RBFOX1: variants seen among roughly 807,000 people sequenced by gnomAD.
RBFOX1 encodes RNA binding protein fox-1 homolog 1.
RBFOX1 carries 8 observed loss-of-function variants against 57.7 expected under a neutral mutation model. The ratio of observed to expected loss-of-function variants is 0.14; its 90% CI spans 0.08 to 0.25. The LOEUF is 0.25. Among genes scored for constraint, RBFOX1 ranks in the 10% least tolerant of loss-of-function variants. The probability of loss-of-function intolerance (pLI) is 1.00; values close to 1 mark genes in which losing one functional copy is unlikely to be tolerated. For synonymous variants in RBFOX1, 326 were observed against 222.4 expected (o/e 1.47, Z -4.15); for missense variants, 611 against 548.5 (o/e 1.11, Z -1.14).
chr16:5,858,615 A>G (rs2057130240), intron 3 of RBFOX1, among the ~76,000 whole-genome samples: 1 of 152,220 alleles, frequency 6.6e-6, no homozygotes, highest in Non-Finnish European at 1.5e-5. Context: ...AGCTGCCAGA[A>G]TTTTCAAGCA....
chr16:6,210,377 A>AAAAAAAAAAAAAAAAAAAAAAAAAAAAG (rs1555552426), intron 1 of RBFOX1, among the ~76,000 whole-genome samples: 1 of 128,442 alleles, frequency 7.8e-6, no homozygotes. Context: ...AAAAAAAAAA[A>AAAAAAAAAAAAAAAAAAAAAAAAAAAAG]AGAGAAAGGA....
intron 4 of RBFOX1, among the ~76,000 whole-genome samples, chr16:7,191,537 TA>T (rs2085386552): frequency 6.6e-6 from 1 of 152,238 alleles, no homozygotes; most frequent in African/African-American, 2.4e-5. Flanking sequence ...AGTTGACATT[TA>T]TAACCATGGA....
chr16:5,493,338 C>A (rs948193742), intron 2 of RBFOX1, among the ~76,000 whole-genome samples: 2 of 152,190 alleles, frequency 1.3e-5, no homozygotes, highest in Non-Finnish European at 2.9e-5. Flanking sequence ...TCCCAAAGTC[C>A]TATGACCCAC....
intron 2 of RBFOX1, among the ~76,000 whole-genome samples, chr16:6,445,937 C>A (rs2094476225): frequency 6.6e-6 from 1 of 151,122 alleles, no homozygotes; most frequent in Non-Finnish European, 1.5e-5. Flanking sequence ...GTTAACTATA[C>A]ACAGAGTAGG....
chr16:6,228,773 C>G (rs764337587), intron 1 of RBFOX1, among the ~76,000 whole-genome samples: 1 of 152,036 alleles, frequency 6.6e-6, no homozygotes, highest in Admixed American at 6.6e-5. Context: ...ATGTATGGTG[C>G]TCTTGAAAAT....
intron 4 of RBFOX1, among the ~76,000 whole-genome samples, chr16:7,315,196 T>C (rs1331990538): frequency 6.6e-6 from 1 of 152,012 alleles, no homozygotes; most frequent in African/African-American, 2.4e-5. Context: ...AACTGAGAAC[T>C]GAAAACCAAC....
chr16:7,079,255 A>T (rs145910547), intron 4 of RBFOX1, among the ~76,000 whole-genome samples: 2 of 152,102 alleles, frequency 1.3e-5, no homozygotes, highest in Admixed American at 1.3e-4. Context: ...CTCATCATAC[A>T]TCTGGCTCTG....
rs563147582 is a variant in RBFOX1 at position 5,765,791 on chromosome 16, C to T, written c.319-101512C>T. Among the ~76,000 whole-genome samples, 38 of 152,304 alleles carry T rather than the reference C, an allele frequency of 2.5e-4. No homozygotes were observed. In the South Asian group the frequency reaches 7.9e-3, roughly 32 times the overall value. ...TTGGATATGGGCTCTGGCTTTGCTG[C>T]AAGTACAGGATGCTCATCCCTAGAG... On this transcript the variant is annotated intron_variant, in intron 3 of 19. Transcript: ENST00000641259.
chr16:6,711,764 C>T (rs2063757470), intron 3 of RBFOX1, among the ~76,000 whole-genome samples: 1 of 152,198 alleles, frequency 6.6e-6, no homozygotes, highest in African/African-American at 2.4e-5. Flanking sequence ...TGTCTCACCA[C>T]TCTCATTCTA....
intron 11 of RBFOX1, among the ~76,000 whole-genome samples, chr16:7,646,269 G>T (rs1198095513): frequency 2.0e-5 from 3 of 152,188 alleles, no homozygotes; most frequent in African/African-American, 7.2e-5. Flanking sequence ...AGCTATGGCT[G>T]GTGGTTTATT....
chr16:6,337,473 G>T (rs891236189), intron 2 of RBFOX1, among the ~76,000 whole-genome samples: 2 of 152,204 alleles, frequency 1.3e-5, no homozygotes, highest in South Asian at 2.1e-4. Flanking sequence ...TATGTTGTGG[G>T]CTGGGAGAGC....
chr16:5,827,267 G>T (rs986161297), intron 3 of RBFOX1, among the ~76,000 whole-genome samples: 5 of 152,006 alleles, frequency 3.3e-5, no homozygotes, highest in Admixed American at 1.3e-4. Flanking sequence ...GGGTGTGGTG[G>T]TGGGTGCCAG....
At chr16:6,225,845 A>C (rs1158300999) in intron 1 of RBFOX1, among the ~76,000 whole-genome samples, 1 of 152,188 alleles carries the variant, frequency 6.6e-6, no homozygotes, top group African/African-American at 2.4e-5. Flanking sequence ...ATCTTTACAA[A>C]AGTTGTTCTT....
intron 4 of RBFOX1, among the ~76,000 whole-genome samples, chr16:7,105,629 A>G (rs1693929171): frequency 6.6e-6 from 1 of 152,082 alleles, no homozygotes; most frequent in African/African-American, 2.4e-5. Flanking sequence ...GGTTGCTGCG[A>G]ATGCCATTGA....
intron 3 of RBFOX1, among the ~76,000 whole-genome samples, chr16:6,931,921 A>G (rs1279296886): frequency 6.6e-6 from 1 of 152,176 alleles, no homozygotes; most frequent in Non-Finnish European, 1.5e-5. Flanking sequence ...GGAGGCGAGG[A>G]GTAAGCAAGA....
chr16:7,201,448 G>C (rs931926712), intron 4 of RBFOX1, among the ~76,000 whole-genome samples: 2 of 130,600 alleles, frequency 1.5e-5, no homozygotes, highest in African/African-American at 3.3e-5. Context: ...GCCACGATCT[G>C]ATTCTTTTTT....
intron 3 of RBFOX1, among the ~76,000 whole-genome samples, chr16:5,681,982 C>T (rs79575324): frequency 0.02 from 2,981 of 152,164 alleles, 90 homozygotes; most frequent in African/African-American, 0.068. Context: ...TAACACATCT[C>T]CCCCTTGTTG....
intron 4 of RBFOX1, among the ~76,000 whole-genome samples, chr16:5,961,274 T>A (rs2059742603): frequency 6.6e-6 from 1 of 152,190 alleles, no homozygotes; most frequent in African/African-American, 2.4e-5. Flanking sequence ...TTGCATTTAA[T>A]CATCTTAAGA....
intron 2 of RBFOX1, among the ~76,000 whole-genome samples, chr16:6,600,335 G>A (rs1159087014): frequency 6.6e-6 from 1 of 152,092 alleles, no homozygotes; most frequent in Non-Finnish European, 1.5e-5. Context: ...AGCTCCAGCT[G>A]AGCTACTGTC....
Sources: allele counts gnomAD v4.1 joint callset (sites outside exome capture counted in the v4.1 genomes callset), GRCh38; gene constraint gnomAD v4.1.1; transcripts MANE v1.5; gene names NCBI Gene and HGNC (gene_info 2026-07-23, HGNC 2026-07-21).